The following BMP2K variants were observed in gnomAD, a reference collection of about 807,000 sequenced individuals.
The protein encoded by BMP2K is BMP2 inducible kinase.
Under a neutral mutation model 116.0 loss-of-function variants are expected in BMP2K, and 74 were observed. That is an observed-to-expected ratio of 0.64 (90% CI 0.53 to 0.77). The LOEUF (loss-of-function observed/expected upper bound fraction) is 0.77. Among genes scored for constraint, BMP2K ranks in the 30% least tolerant of loss-of-function variants. The pLI is 0.00. For synonymous variants in BMP2K, 486 were observed against 502.5 expected (o/e 0.97, Z 0.44); for missense variants, 1,365 against 1,403.6 (o/e 0.97, Z 0.44).
At chr4:78,860,348 A>T (rs1423599304) in intron 8 of BMP2K, among the ~76,000 whole-genome samples, 5 of 150,958 alleles carry the variant, frequency 3.3e-5, no homozygotes, top group African/African-American at 4.8e-5. Flanking sequence ...GTTTTTTTTT[A>T]AAAAGCACAG....
chr4:78,839,894 G>A (rs914136421), intron 3 of BMP2K, among the ~76,000 whole-genome samples: 5 of 151,978 alleles, frequency 3.3e-5, no homozygotes, highest in African/African-American at 1.2e-4. Flanking sequence ...ATTAAGGGTG[G>A]GTCTGCCTTT....
chr4:78,830,332 G>C (rs1233147091), intron 2 of BMP2K, among the ~76,000 whole-genome samples: 1 of 152,186 alleles, frequency 6.6e-6, no homozygotes, highest in African/African-American at 2.4e-5. Context: ...GGAAACAGAT[G>C]TAATGTCATT....
chr4:78,878,753 G>C lies in BMP2K; in HGVS notation c.1813G>C (p.Ala605Pro). 2.5e-6 allele frequency: 4 copies of C among 1,611,050 alleles called. No homozygotes were observed. Among genetic ancestry groups the C allele is most frequent in the Non-Finnish European group, 3.4e-6 (4 of 1,179,066 alleles). ...CTATAGGTCAGTTGCTGATAAAGAG[G>C]CCATTGCAAATTTCACAAATCAGAA... ...SANRSVADKE[A>P]IANFTNQKNI... Residue 605 changes from alanine to proline, a missense_variant, in exon 14 of 16, where the codon GCC becomes CCC. Around this residue, in one of 3 missense-constraint regions of BMP2K, gnomAD observed 762 missense variants for 756.7 expected, o/e 1.01. Coordinates refer to ENST00000502613, the MANE Select transcript of BMP2K (RefSeq NM_198892.2).
chr4:78,823,431 T>G (rs899491612), intron 1 of BMP2K, among the ~76,000 whole-genome samples: 1 of 150,410 alleles, frequency 6.6e-6, no homozygotes, highest in African/African-American at 2.4e-5. Flanking sequence ...TATACAAGAG[T>G]AAAATAGTAT....
chr4:78,806,246 C>T (rs1012354187), intron 1 of BMP2K, among the ~76,000 whole-genome samples: 1 of 151,982 alleles, frequency 6.6e-6, no homozygotes, highest in Non-Finnish European at 1.5e-5. Context: ...GGCTGAAGTG[C>T]AGTGGCACAA....
intron 15 of BMP2K, among the ~76,000 whole-genome samples, chr4:78,902,916 C>A (rs936912969): frequency 6.6e-6 from 1 of 151,942 alleles, no homozygotes; most frequent in Admixed American, 6.6e-5. Context: ...AATAGTGTGG[C>A]ATTAACTAGG....
At chr4:78,859,554 ACTT>A (rs747667316) in intron 7 of BMP2K, 27 bp from the exon 8 acceptor site, 3 of 1,485,186 alleles carry the variant, frequency 2.0e-6, no homozygotes, top group Non-Finnish European at 2.8e-6. Flanking sequence ...GTTTCATAAA[ACTT>A]CTTAACATTT....
chr4:78,829,777 T>C (rs796471666), intron 2 of BMP2K, among the ~76,000 whole-genome samples: 46 of 96,568 alleles, frequency 4.8e-4, no homozygotes, highest in African/African-American at 1.8e-3. Flanking sequence ...TTTCTTTTCT[T>C]TTCTTTTCTT....
At chr4:78,861,879 T>C (rs1731812966) in intron 9 of BMP2K, among the ~76,000 whole-genome samples, 1 of 151,970 alleles carries the variant, frequency 6.6e-6, no homozygotes, top group Admixed American at 6.6e-5. Flanking sequence ...GTATGTACTT[T>C]GTAGAATTTG....
At chr4:78,842,304 C>A (rs1457765740) in intron 3 of BMP2K, 81 bp from the exon 4 acceptor site, 2 of 1,258,422 alleles carry the variant, frequency 1.6e-6, no homozygotes, top group Non-Finnish European at 2.2e-6. Flanking sequence ...TTACTTGAAG[C>A]CATAAAGACA....
Position 78,885,565 on chromosome 4 carries a change from G to C in BMP2K, c.1952-1609G>C, listed in dbSNP as rs187021949. ...CTCCAAAATTAAAAGTCATTTTTAG[G>C]GAATTCCAATTCTACTTGGGTTCTG... On this transcript the variant is annotated intron_variant, in intron 14 of 15. Coordinates refer to ENST00000502613, the MANE Select transcript of BMP2K (RefSeq NM_198892.2). Among the ~76,000 whole-genome samples the C allele has an allele frequency of 3.2e-3, 491 of 152,266 alleles. 7 individuals carry two copies. The highest frequency in any genetic ancestry group is 4.4e-3 in the Non-Finnish European group (297 of 68,018).
chr4:78,798,943 C>T lies in BMP2K; in HGVS notation c.178+22222C>T, dbSNP rs141703955. On this transcript the variant is annotated intron_variant, in intron 1 of 15. Transcript: ENST00000502613. ...TGAAATTTTAAATGTCTTTCTAGAC[C>T]GTGCTGACACACATGGAAATATCCA... is the stretch of plus-strand genomic sequence containing the variant. Among the ~76,000 whole-genome samples, 737 of 152,248 alleles carry T rather than the reference C, an allele frequency of 4.8e-3. 3 individuals carry two copies. The highest frequency in any genetic ancestry group is 0.014 in the Middle Eastern group (4 of 294).
chr4:78,802,553 A>G (rs1728616278), intron 1 of BMP2K, among the ~76,000 whole-genome samples: 1 of 152,190 alleles, frequency 6.6e-6, no homozygotes, highest in Admixed American at 6.5e-5. Context: ...TCCTAAATAT[A>G]TGTATTAAGA....
At chr4:78,888,412 A>G (rs992381156) in intron 15 of BMP2K, among the ~76,000 whole-genome samples, 13 of 152,228 alleles carry the variant, frequency 8.5e-5, no homozygotes, top group African/African-American at 3.1e-4. Context: ...TAGTCATTGT[A>G]AGTTCTCAAG....
At chr4:78,824,716 T>C (rs1360051046) in intron 1 of BMP2K, among the ~76,000 whole-genome samples, 5 of 152,214 alleles carry the variant, frequency 3.3e-5, no homozygotes, top group Non-Finnish European at 5.9e-5. Flanking sequence ...TTGCTCAGGA[T>C]GCTGCTTTTT....
chr4:78,899,800 T>A (rs1733901250), intron 15 of BMP2K, among the ~76,000 whole-genome samples: 1 of 152,184 alleles, frequency 6.6e-6, no homozygotes, highest in Non-Finnish European at 1.5e-5. Flanking sequence ...GGAATCCTGA[T>A]TGCAGTGGAT....
At chr4:78,846,215 A>G (rs1448093176) in intron 5 of BMP2K, among the ~76,000 whole-genome samples, 1 of 151,622 alleles carries the variant, frequency 6.6e-6, no homozygotes, top group Non-Finnish European at 1.5e-5. Context: ...TTGTGGCTCA[A>G]TTAATGGACT....
At chr4:78,902,609 G>C (rs1472233569) in intron 15 of BMP2K, among the ~76,000 whole-genome samples, 1 of 152,112 alleles carries the variant, frequency 6.6e-6, no homozygotes, top group Non-Finnish European at 1.5e-5. Flanking sequence ...AATTACAATA[G>C]AAGTTTCAAG....
intron 3 of BMP2K, among the ~76,000 whole-genome samples, chr4:78,838,631 C>A (rs1730609165): frequency 6.6e-6 from 1 of 152,180 alleles, no homozygotes; most frequent in Non-Finnish European, 1.5e-5. Context: ...AACTGCATTA[C>A]ATAAAATTGT....
Sources: gnomAD v4.1 joint callset for allele counts (sites outside exome capture counted in the v4.1 genomes callset) on GRCh38, gnomAD v4.1.1 for gene constraint, gnomAD v4.1.1 regional missense constraint, MANE v1.5 for transcripts, NCBI Gene and HGNC (gene_info 2026-07-23, HGNC 2026-07-21) for gene names.